Variants in NEO1 observed in about 807,000 individuals in gnomAD.
The protein encoded by NEO1 is neogenin 1, also known as neogenin.
In NEO1, 63 loss-of-function variants were observed where a neutral mutation model predicts 159.7. The ratio of observed to expected loss-of-function variants is 0.39; its 90% CI spans 0.32 to 0.49. The LOEUF (loss-of-function observed/expected upper bound fraction) is 0.49, where lower values mean the gene tolerates loss of function less well. Among genes scored for constraint, NEO1 ranks in the 20% least tolerant of loss-of-function variants. The probability of loss-of-function intolerance (pLI) is 0.85; values close to 1 mark genes in which losing one functional copy is unlikely to be tolerated. For missense variants in NEO1, 1,615 were observed against 1,831.0 expected, an observed-to-expected ratio of 0.88 and a Z score of 2.15; for synonymous variants, 633 against 662.0, an observed-to-expected ratio of 0.96 and a Z score of 0.67.
At chr15:73,254,648 T>G in intron 12 of NEO1, 34 bp from the exon 13 acceptor site, 1 of 1,553,522 alleles carries the variant, frequency 6.4e-7, no homozygotes, top group Non-Finnish European at 8.7e-7. Context: ...TTTTGATATA[T>G]TCAGCCTTTT....
intron 26 of NEO1, among the ~76,000 whole-genome samples, chr15:73,294,009 G>A (rs2042258240): frequency 6.6e-6 from 1 of 152,182 alleles, no homozygotes; most frequent in Admixed American, 6.5e-5. Flanking sequence ...CATCCAAGGA[G>A]CAGTGGGGCC....
At chr15:73,097,557 T>C (rs1415049365) in intron 1 of NEO1, among the ~76,000 whole-genome samples, 2 of 151,778 alleles carry the variant, frequency 1.3e-5, no homozygotes, top group Non-Finnish European at 2.9e-5. Flanking sequence ...GACAGGGTTT[T>C]GCCATGTTGG....
At position 73,258,873 on chromosome 15, in the gene NEO1, G is replaced by C; in HGVS notation, c.2200G>C (p.Asp734His). Reference protein sequence around the residue: ...LSAETFESDLDETRVPEVPSS... With the variant: ...LSAETFESDLHETRVPEVPSS... ...TGCTGAAACTTTTGAAAGTGACCTAGATGGTAAGAATAACAATTGGCAAGA... is the reference window on the plus strand; with the variant it reads ...TGCTGAAACTTTTGAAAGTGACCTACATGGTAAGAATAACAATTGGCAAGA... Residue 734 changes from aspartate to histidine, a missense_variant, in exon 14 of 29, where the codon GAT becomes CAT. Physicochemically the swap from Asp to His is moderately conservative, Grantham distance 81 (BLOSUM62 -1). Around this residue, in one of 3 missense-constraint regions of NEO1, gnomAD observed 1,018 missense variants for 1,115.4 expected, o/e 0.91. Coordinates refer to ENST00000261908, the MANE Select transcript of NEO1 (RefSeq NM_002499.4). 6.2e-7 allele frequency: 1 copy of C among 1,613,000 alleles called. No individual in the cohort carries two copies. Among genetic ancestry groups the C allele is most frequent in the Non-Finnish European group, 8.5e-7 (1 of 1,179,080 alleles).
At chr15:73,160,193 C>T (rs897362229) in intron 5 of NEO1, among the ~76,000 whole-genome samples, 1 of 151,940 alleles carries the variant, frequency 6.6e-6, no homozygotes, top group East Asian at 1.9e-4. Context: ...ATACAAAAAC[C>T]CCAAAACACC....
intron 1 of NEO1, among the ~76,000 whole-genome samples, chr15:73,107,736 C>T (rs922348189): frequency 1.3e-5 from 2 of 152,072 alleles, no homozygotes; most frequent in East Asian, 3.9e-4. Context: ...ATCATTGCAG[C>T]CATATTTTCA....
At chr15:73,282,791 C>T (rs1036092053) in intron 22 of NEO1, among the ~76,000 whole-genome samples, 173 bp from the exon 23 acceptor site, 5 of 152,204 alleles carry the variant, frequency 3.3e-5, no homozygotes, top group Admixed American at 6.5e-5. Context: ...TCTTAGCTGT[C>T]TAGGAGCTCA....
intron 5 of NEO1, among the ~76,000 whole-genome samples, chr15:73,174,991 T>C (rs2035201048): frequency 6.6e-6 from 1 of 152,144 alleles, no homozygotes; most frequent in Non-Finnish European, 1.5e-5. Flanking sequence ...TTGACTGGGG[T>C]TCTATCTCCT....
At chr15:73,214,454 T>G (rs1474278833) in intron 7 of NEO1, among the ~76,000 whole-genome samples, 1 of 152,162 alleles carries the variant, frequency 6.6e-6, no homozygotes, top group Non-Finnish European at 1.5e-5. Flanking sequence ...TCATATAAGG[T>G]GAGAGTTGAG....
chr15:73,120,869 G>A lies in NEO1; in HGVS notation c.449-1656G>A, dbSNP rs140183926. 1.5e-3 allele frequency among the ~76,000 whole-genome samples: 227 copies of A among 152,156 alleles called. 1 individual carries two copies. Among genetic ancestry groups the A allele is most frequent in the African/African-American group, 4.9e-3 (205 of 41,520 alleles). On this transcript the variant is annotated intron_variant, in intron 2 of 28. Transcript: ENST00000261908. Reference sequence around the variant, plus strand: ...ATTTTATTTTGAGATCATTTTAAACGTAGGGAGTAGGTGCAAGAATAGAAC... The same window carrying A: ...ATTTTATTTTGAGATCATTTTAAACATAGGGAGTAGGTGCAAGAATAGAAC...
At chr15:73,144,212 G>C (rs1180748911) in intron 5 of NEO1, among the ~76,000 whole-genome samples, 1 of 152,068 alleles carries the variant, frequency 6.6e-6, no homozygotes, top group African/African-American at 2.4e-5. Context: ...TTTTATGATT[G>C]AGGTCATAAT....
chr15:73,193,948 A>G (rs931904450), intron 7 of NEO1, among the ~76,000 whole-genome samples: 1 of 152,036 alleles, frequency 6.6e-6, no homozygotes, highest in African/African-American at 2.4e-5. Context: ...TGAAGATGGG[A>G]AGAGGTGTAT....
chr15:73,282,051 T>A (rs2041742786), intron 22 of NEO1, among the ~76,000 whole-genome samples: 1 of 152,196 alleles, frequency 6.6e-6, no homozygotes, highest in African/African-American at 2.4e-5. Context: ...CTGACTTGCA[T>A]CTCTCTGCTT....
chr15:73,126,340 G>A (rs2030237491), intron 3 of NEO1, 77 bp from the exon 4 acceptor site: 1 of 1,358,772 alleles, frequency 7.4e-7, no homozygotes, highest in Non-Finnish European at 1.0e-6. Context: ...AAAGTATCGG[G>A]ATTATGGGTG....
At chr15:73,077,634 A>AATAG (rs1248228654) in intron 1 of NEO1, among the ~76,000 whole-genome samples, 1 of 152,212 alleles carries the variant, frequency 6.6e-6, no homozygotes, top group Admixed American at 6.5e-5. Flanking sequence ...TCTGATGGGA[A>AATAG]ATAGATTCTC....
chr15:73,230,101 A>T (rs986942473), intron 7 of NEO1, among the ~76,000 whole-genome samples: 1 of 152,186 alleles, frequency 6.6e-6, no homozygotes, highest in Non-Finnish European at 1.5e-5. Context: ...ATTTCCTGAA[A>T]AAGTTTGTGA....
At chr15:73,243,694 G>A (rs1040061616) in intron 8 of NEO1, among the ~76,000 whole-genome samples, 4 of 152,120 alleles carry the variant, frequency 2.6e-5, no homozygotes, top group South Asian at 4.1e-4. Flanking sequence ...ATACTAGACC[G>A]CTGGATTTGA....
At chr15:73,093,034 T>C (rs1011776845) in intron 1 of NEO1, among the ~76,000 whole-genome samples, 1 of 152,224 alleles carries the variant, frequency 6.6e-6, no homozygotes, top group Non-Finnish European at 1.5e-5. Context: ...TCTCAGACTT[T>C]CCTTATTTTT....
Position 73,085,219 on chromosome 15 carries a change from T to C in NEO1, c.131-31321T>C, listed in dbSNP as rs190585386. On this transcript the variant is annotated intron_variant, in intron 1 of 28. Transcript: ENST00000261908. ...CTTTCCCTTTTCCGGGCATAAAATATGTAATCTTTTGGGGCTGGCTTCTTT... is the reference window on the plus strand; with the variant it reads ...CTTTCCCTTTTCCGGGCATAAAATACGTAATCTTTTGGGGCTGGCTTCTTT... 4.5e-3 allele frequency among the ~76,000 whole-genome samples: 687 copies of C among 152,252 alleles called. 2 individuals carry two copies. Among genetic ancestry groups the C allele is most frequent in the Non-Finnish European group, 4.0e-3 (275 of 68,008 alleles).
chr15:73,109,455 T>A (rs2070855461), intron 1 of NEO1, among the ~76,000 whole-genome samples: 3 of 152,222 alleles, frequency 2.0e-5, no homozygotes, highest in African/African-American at 7.2e-5. Context: ...GTCCCATAGC[T>A]TTTTTTAGTG....
Sources: allele counts gnomAD v4.1 joint callset (sites outside exome capture counted in the v4.1 genomes callset), GRCh38; gene constraint gnomAD v4.1.1; regional missense constraint gnomAD v4.1.1; transcripts MANE v1.5; gene names NCBI Gene and HGNC (gene_info 2026-07-23, HGNC 2026-07-21).